The following TMEM132C variants were observed in gnomAD, a reference collection of about 807,000 sequenced individuals.
TMEM132C encodes transmembrane protein 132C, also known as protein phosphatase 1, regulatory subunit 152.
A neutral mutation model predicts 61.4 loss-of-function variants in TMEM132C; 29 were observed. The observed-to-expected ratio is 0.47, with a 90% CI of 0.35 to 0.64. TMEM132C has a LOEUF of 0.64. TMEM132C is among the 30% of genes least tolerant of loss of function. The pLI, the probability that TMEM132C is intolerant of heterozygous loss-of-function variation, is 0.00. For missense variants in TMEM132C, 1,408 were observed against 1,476.9 expected (o/e 0.95, Z 0.76); for synonymous variants, 656 against 633.1 (o/e 1.04, Z -0.54).
At chr12:128,431,843 A>G (rs1415994687) in intron 2 of TMEM132C, among the ~76,000 whole-genome samples, 1 of 152,178 alleles carries the variant, frequency 6.6e-6, no homozygotes, top group African/African-American at 2.4e-5. Context: ...CTAGCACTTT[A>G]GTAGCTAGAA....
intron 2 of TMEM132C, among the ~76,000 whole-genome samples, chr12:128,513,657 A>G (rs1463827068): frequency 6.6e-6 from 1 of 152,140 alleles, no homozygotes; most frequent in Non-Finnish European, 1.5e-5. Flanking sequence ...CCTTGAGAAG[A>G]GGGGGAAAGC....
At chr12:128,403,733 A>G (rs1875246162) in intron 1 of TMEM132C, among the ~76,000 whole-genome samples, 1 of 152,136 alleles carries the variant, frequency 6.6e-6, no homozygotes, top group African/African-American at 2.4e-5. Context: ...CAAAATCCTC[A>G]TCTAGGAAGT....
At chr12:128,515,741 A>G (rs1872696816) in intron 2 of TMEM132C, among the ~76,000 whole-genome samples, 1 of 152,144 alleles carries the variant, frequency 6.6e-6, no homozygotes, top group Non-Finnish European at 1.5e-5. Context: ...AGGCTGAGGC[A>G]GGAGAATGGC....
chr12:128,639,244 GATA>G (rs777033045), intron 4 of TMEM132C, among the ~76,000 whole-genome samples: 10 of 150,786 alleles, frequency 6.6e-5, no homozygotes, highest in Non-Finnish European at 1.2e-4. Context: ...TGATGATGGT[GATA>G]ATGATGATGG....
chr12:128,411,927 C>T (rs2136018665), intron 1 of TMEM132C, among the ~76,000 whole-genome samples: 1 of 152,292 alleles, frequency 6.6e-6, no homozygotes, highest in Non-Finnish European at 1.5e-5. Context: ...ACACCAGGCT[C>T]CCGGGTTCAC....
chr12:128,283,528 ATC>A (rs148681401), intron 1 of TMEM132C, among the ~76,000 whole-genome samples: 4 of 148,718 alleles, frequency 2.7e-5, no homozygotes, highest in Admixed American at 6.7e-5. Flanking sequence ...GTATCTAGGC[ATC>A]TCTCTCTCTC....
chr12:128,689,892 G>A (rs1019074582), intron 5 of TMEM132C, among the ~76,000 whole-genome samples: 3 of 152,126 alleles, frequency 2.0e-5, no homozygotes, highest in South Asian at 4.2e-4. Context: ...ATGCCAACAG[G>A]CCCTCCCTGA....
chr12:128,373,829 C>A (rs1874099703), intron 1 of TMEM132C, among the ~76,000 whole-genome samples: 1 of 152,204 alleles, frequency 6.6e-6, no homozygotes, highest in South Asian at 2.1e-4. Context: ...GTGAAAACAT[C>A]CTAACACGAG....
intron 2 of TMEM132C, among the ~76,000 whole-genome samples, chr12:128,504,299 G>A (rs1224643982): frequency 2.0e-5 from 3 of 152,158 alleles, no homozygotes; most frequent in Non-Finnish European, 4.4e-5. Context: ...GGCCAAAAGA[G>A]TCCCAGAATC....
At chr12:128,601,683 C>T (rs1165601029) in intron 3 of TMEM132C, among the ~76,000 whole-genome samples, 1 of 148,898 alleles carries the variant, frequency 6.7e-6, no homozygotes. Context: ...TGGAGTCGTC[C>T]TAAGGTGGAA....
chr12:128,440,321 G>C (rs1869741419), intron 2 of TMEM132C, among the ~76,000 whole-genome samples: 1 of 152,222 alleles, frequency 6.6e-6, no homozygotes, highest in Non-Finnish European at 1.5e-5. Context: ...GCAAACAACA[G>C]AATCCACTCT....
chr12:128,632,752 G>A (rs1245736641), intron 4 of TMEM132C, among the ~76,000 whole-genome samples: 11 of 152,044 alleles, frequency 7.2e-5, no homozygotes, highest in African/African-American at 9.7e-5. Flanking sequence ...GAAACCTTGC[G>A]TTTTCCATTC....
In TMEM132C at chr12:128,267,204, GGAGCCGGAGCCGCCAGAGCCA is replaced by G. The variant is rs1046184419; in HGVS notation, c.-188_-168del. Among the ~76,000 whole-genome samples the G allele has an allele frequency of 2.0e-5, 3 of 147,126 alleles. No individual in the cohort carries two copies. The highest frequency in any genetic ancestry group is 7.3e-5 in the African/African-American group (3 of 40,940). On this transcript the variant is annotated 5_prime_UTR_variant, in exon 1 of 9. Coordinates refer to ENST00000435159, the MANE Select transcript of TMEM132C (RefSeq NM_001136103.3). Reference sequence around the variant, plus strand: ...TCCCGGCCGGAGCGCGAGCAGCGGCGGAGCCGGAGCCGCCAGAGCCAGAGCCGGAGCTGCGGCGGCGTGGAC... The same window carrying G: ...TCCCGGCCGGAGCGCGAGCAGCGGCGGAGCCGGAGCTGCGGCGGCGTGGAC...
intron 4 of TMEM132C, among the ~76,000 whole-genome samples, chr12:128,640,778 T>TG (rs1344980149): frequency 2.0e-5 from 3 of 152,076 alleles, no homozygotes; most frequent in Admixed American, 1.3e-4. Flanking sequence ...TTCCAGCTAC[T>TG]GGGGAGGCTG....
intron 2 of TMEM132C, among the ~76,000 whole-genome samples, chr12:128,491,756 G>A (rs909734202): frequency 2.6e-5 from 4 of 152,000 alleles, no homozygotes; most frequent in African/African-American, 7.2e-5. Context: ...GCTCTCAACT[G>A]CACCAGTTCC....
chr12:128,639,535 G>A (rs1420313446), intron 4 of TMEM132C, among the ~76,000 whole-genome samples: 1 of 152,180 alleles, frequency 6.6e-6, no homozygotes, highest in African/African-American at 2.4e-5. Flanking sequence ...ATTGGAGAAA[G>A]AGAATGGCAT....
At chr12:128,285,564 A>T (rs908821470) in intron 1 of TMEM132C, among the ~76,000 whole-genome samples, 2 of 152,104 alleles carry the variant, frequency 1.3e-5, no homozygotes, top group Non-Finnish European at 2.9e-5. Context: ...GGAAAGATTG[A>T]CTAAAAGAGG....
intron 1 of TMEM132C, among the ~76,000 whole-genome samples, chr12:128,363,672 C>A (rs1305883531): frequency 6.6e-6 from 1 of 151,980 alleles, no homozygotes; most frequent in East Asian, 1.9e-4. Flanking sequence ...TAATGAAACC[C>A]AGTCTCTACT....
intron 3 of TMEM132C, among the ~76,000 whole-genome samples, chr12:128,582,897 C>T (rs1433695262): frequency 2.6e-5 from 4 of 152,172 alleles, no homozygotes; most frequent in Non-Finnish European, 2.9e-5. Flanking sequence ...ACCTCGGCCT[C>T]CCAAAGTGCT....
Sources: gnomAD v4.1 joint callset for allele counts (sites outside exome capture counted in the v4.1 genomes callset) on GRCh38, gnomAD v4.1.1 for gene constraint, MANE v1.5 for transcripts, NCBI Gene and HGNC (gene_info 2026-07-23, HGNC 2026-07-21) for gene names.